Variants in DCUN1D2 observed in about 807,000 individuals in gnomAD.
DCUN1D2 encodes the protein defective in cullin neddylation 1 domain containing 2, also known as DCN1-like protein 2.
In DCUN1D2, 29 loss-of-function variants were observed where a neutral mutation model predicts 30.9. That is an observed-to-expected ratio of 0.94 (90% confidence interval 0.70 to 1.28). The LOEUF is 1.28. DCUN1D2 is among the 50% of genes most tolerant of loss of function. The pLI is 0.00. For missense variants in DCUN1D2, 325 were observed against 316.9 expected, an observed-to-expected ratio of 1.03 and a Z score of -0.19; for synonymous variants, 121 against 115.3, an observed-to-expected ratio of 1.05 and a Z score of -0.32.
chr13:113,475,606 G>A (rs2044602989), intron 3 of DCUN1D2, among the ~76,000 whole-genome samples: 1 of 152,216 alleles, frequency 6.6e-6, no homozygotes, highest in Non-Finnish European at 1.5e-5. Context: ...TGGCGGCTGG[G>A]CCAGGTATGG....
In DCUN1D2 at chr13:113,456,084, G is replaced by T. The variant is rs2044221295; in HGVS notation, c.*1945C>A. On this transcript the variant is annotated 3_prime_UTR_variant, in exon 7 of 7. Coordinates refer to ENST00000478244, the MANE Select transcript of DCUN1D2 (RefSeq NM_001014283.2). ...TACATGTCAAGAATCCATGAAGCCT[G>T]GAAGATACGCTCACGTTTTTGAGGT... The T allele has an allele frequency of 2.5e-6, 1 of 397,428 alleles. No individual in the cohort carries two copies. Among genetic ancestry groups the T allele is most frequent in the Non-Finnish European group, 4.4e-6 (1 of 225,982 alleles). 24.6% of individuals were successfully genotyped at this position (397,428 alleles called of 1,614,324 possible).
chr13:113,460,986 C>A, intron 5 of DCUN1D2, 68 bp downstream of exon 5: 1 of 958,888 alleles, frequency 1.0e-6, no homozygotes. Context: ...TGGATGATTA[C>A]ATGCAGCCTC....
chr13:113,485,658 T>TTC (rs1165022954), intron 1 of DCUN1D2, among the ~76,000 whole-genome samples: 2 of 152,014 alleles, frequency 1.3e-5, no homozygotes, highest in African/African-American at 4.8e-5. Flanking sequence ...TCCAGAAGTT[T>TTC]TTTTTTTTTT....
At chr13:113,482,514 C>T (rs1478370623) in intron 2 of DCUN1D2, among the ~76,000 whole-genome samples, 1 of 152,170 alleles carries the variant, frequency 6.6e-6, no homozygotes, top group Non-Finnish European at 1.5e-5. Flanking sequence ...TAAGTACAAA[C>T]CTGGTTTGTT....
intron 3 of DCUN1D2, chr13:113,475,571 G>A (rs2044602173): frequency 6.6e-6 from 1 of 152,316 alleles, no homozygotes. Flanking sequence ...ATGAGGGTGA[G>A]CGTAAGCACC....
intron 6 of DCUN1D2, among the ~76,000 whole-genome samples, chr13:113,458,846 G>A (rs1461725468): frequency 6.6e-6 from 1 of 152,208 alleles, no homozygotes; most frequent in East Asian, 1.9e-4. Flanking sequence ...CCTCTCTAAG[G>A]TGGCAGCGTG....
At chr13:113,484,215 G>C (rs950984069) in intron 1 of DCUN1D2, 159 bp from the exon 2 acceptor site, 12 of 1,425,542 alleles carry the variant, frequency 8.4e-6, no homozygotes, top group Non-Finnish European at 1.1e-5. Flanking sequence ...GGAAACAACA[G>C]CATCTATACT....
At chr13:113,489,220 C>T in intron 1 of DCUN1D2, 1 of 897,676 alleles carries the variant, frequency 1.1e-6, no homozygotes, top group Non-Finnish European at 1.3e-6. Context: ...GGATCTCCAA[C>T]CTCGGCAGCA....
At chr13:113,476,028 G>A (rs775315869) in intron 3 of DCUN1D2, 8 of 152,248 alleles carry the variant, frequency 5.3e-5, no homozygotes, top group Admixed American at 1.3e-4. Flanking sequence ...ATGTCCGAGA[G>A]GTTCGTTCCT....
intron 3 of DCUN1D2, chr13:113,479,046 A>C (rs946215938): frequency 6.6e-6 from 1 of 152,222 alleles, no homozygotes. Flanking sequence ...AATCACCTTC[A>C]TGATGATGGT....
chr13:113,478,759 A>T (rs1009376681), intron 3 of DCUN1D2, among the ~76,000 whole-genome samples: 1 of 152,110 alleles, frequency 6.6e-6, no homozygotes, highest in East Asian at 1.9e-4. Flanking sequence ...TTTTTGTTAT[A>T]TTCCTAGTTT....
intron 6 of DCUN1D2, 78 bp downstream of exon 6, chr13:113,459,234 C>G: frequency 1.3e-6 from 1 of 795,636 alleles, no homozygotes; most frequent in East Asian, 2.4e-5. Context: ...GACGGGGTCA[C>G]CACTCTAGAG....
At chr13:113,458,787 G>A (rs1413859941) in intron 6 of DCUN1D2, among the ~76,000 whole-genome samples, 1 of 152,222 alleles carries the variant, frequency 6.6e-6, no homozygotes, top group African/African-American at 2.4e-5. Flanking sequence ...CAGGGAGGAA[G>A]CAAAGTGGGT....
intron 4 of DCUN1D2, among the ~76,000 whole-genome samples, chr13:113,463,306 T>C (rs115520990): frequency 2.6e-5 from 4 of 152,190 alleles, no homozygotes; most frequent in Non-Finnish European, 5.9e-5. Context: ...CACTTAGGAT[T>C]AGACAATGAA....
At chr13:113,468,094 C>T (rs1470970323) in intron 4 of DCUN1D2, among the ~76,000 whole-genome samples, 1 of 148,430 alleles carries the variant, frequency 6.7e-6, no homozygotes, top group Non-Finnish European at 1.5e-5. Context: ...AAAACAGATA[C>T]GTGTACACCC....
At chr13:113,470,601 C>T (rs1265879233) in intron 4 of DCUN1D2, among the ~76,000 whole-genome samples, 1 of 137,674 alleles carries the variant, frequency 7.3e-6, no homozygotes, top group Admixed American at 7.5e-5. Context: ...TCCAGAAGAC[C>T]CAACTCCACA....
chr13:113,491,411 T>TTCCC (rs1174223196), upstream of DCUN1D2: 1 of 140,086 alleles, frequency 7.1e-6, no homozygotes, highest in Non-Finnish European at 1.5e-5. Flanking sequence ...CCTTCCTTCC[T>TTCCC]TCCCTCCCTC....
rs2044932229 is a variant in DCUN1D2 at position 113,490,395 on chromosome 13, G to A, written c.3+272C>T. The A allele has an allele frequency of 6.4e-6, 2 of 313,500 alleles. No individual in the cohort carries two copies. Among genetic ancestry groups the A allele is most frequent in the East Asian group, 1.2e-4 (2 of 16,920 alleles). 19.4% of individuals were successfully genotyped at this position (313,500 alleles called of 1,614,324 possible). On this transcript the variant is annotated intron_variant, in intron 1 of 6. Coordinates refer to ENST00000478244, the MANE Select transcript of DCUN1D2 (RefSeq NM_001014283.2). The surrounding 1 kb of genome is among the most constrained non-coding windows in gnomAD (Gnocchi z 5.2). The stretch of plus-strand genomic sequence containing the variant: ...GCTCGGCCCCGGCCCCTGCCCCAAG[G>A]CCCCTACAGTTCCTCCCGGCCCCCG...
At chr13:113,484,149 TAGAG>T in intron 1 of DCUN1D2, 93 bp from the exon 2 acceptor site, 1 of 1,562,394 alleles carries the variant, frequency 6.4e-7, no homozygotes. Flanking sequence ...TGGGCAGAAT[TAGAG>T]ACAAAGCCTT....
Sources: gnomAD v4.1 joint callset for allele counts (sites outside exome capture counted in the v4.1 genomes callset) on GRCh38, gnomAD v4.1.1 for gene constraint, Gnocchi (gnomAD v3.1) non-coding constraint, MANE v1.5 for transcripts, NCBI Gene and HGNC (gene_info 2026-07-23, HGNC 2026-07-21) for gene names.